KIAA1217: variants seen among roughly 807,000 people sequenced by gnomAD.
KIAA1217 encodes the protein sickle tail protein homolog.
A neutral mutation model predicts 163.9 loss-of-function variants in KIAA1217; 88 were observed. That is an observed-to-expected ratio of 0.54 (90% CI 0.45 to 0.64). The LOEUF (loss-of-function observed/expected upper bound fraction) is 0.64, where lower values mean the gene tolerates loss of function less well. Among genes scored for constraint, KIAA1217 ranks in the 30% least tolerant of loss-of-function variants. The probability of loss-of-function intolerance (pLI) is 0.00; values close to 1 mark genes in which losing one functional copy is unlikely to be tolerated. For missense variants in KIAA1217, 2,372 were observed against 2,475.0 expected, an observed-to-expected ratio of 0.96 and a Z score of 0.88; for synonymous variants, 903 against 923.1, an observed-to-expected ratio of 0.98 and a Z score of 0.39.
intron 2 of KIAA1217, among the ~76,000 whole-genome samples, chr10:24,229,934 G>A (rs903366254): frequency 1.3e-5 from 2 of 152,000 alleles, no homozygotes; most frequent in African/African-American, 2.4e-5. Context: ...AATCACCGGT[G>A]AAGAACTTAC....
intron 2 of KIAA1217, among the ~76,000 whole-genome samples, chr10:24,015,595 T>C (rs569247057): frequency 1.3e-5 from 2 of 151,628 alleles, no homozygotes; most frequent in South Asian, 4.2e-4. Context: ...ATCTCTACTA[T>C]AAATGCAGAA....
intron 8 of KIAA1217, among the ~76,000 whole-genome samples, chr10:24,500,212 T>C (rs2067367276): frequency 6.6e-6 from 1 of 151,924 alleles, no homozygotes; most frequent in African/African-American, 2.4e-5. Context: ...TGTGTGTGTG[T>C]GTGTGTCTTT....
intron 2 of KIAA1217, among the ~76,000 whole-genome samples, chr10:24,306,890 T>C (rs1280110869): frequency 1.3e-5 from 2 of 152,244 alleles, no homozygotes; most frequent in Admixed American, 1.3e-4. Context: ...TCTTCACCTC[T>C]TGATCACTTG....
intron 1 of KIAA1217, among the ~76,000 whole-genome samples, chr10:23,946,524 T>A (rs1255952649): frequency 6.6e-6 from 1 of 152,180 alleles, no homozygotes; most frequent in Non-Finnish European, 1.5e-5. Context: ...ACAAGATATT[T>A]TCAAGCAAAT....
chr10:23,843,078 C>A (rs949984879), intron 1 of KIAA1217, among the ~76,000 whole-genome samples: 1 of 152,030 alleles, frequency 6.6e-6, no homozygotes, highest in Non-Finnish European at 1.5e-5. Context: ...AATCACTTCT[C>A]AAATATTATC....
intron 2 of KIAA1217, among the ~76,000 whole-genome samples, chr10:24,107,066 TG>T (rs1416719785): frequency 4.6e-5 from 7 of 152,182 alleles, no homozygotes; most frequent in African/African-American, 1.7e-4. Flanking sequence ...TCCCAATGTC[TG>T]TTGTTCCCTT....
Position 24,501,524 on chromosome 10 carries a change from C to G in KIAA1217, c.1980C>G (p.Leu660=). ...GCGTGGCGGAACTCAGGCTCCAGCT[C>G]CAGCAGATGCGGCAGCTCCAGGTAT... ...RRSVAELRLQ[L]QQMRQLQLQN... Residue 660 remains leucine (L), a synonymous_variant, in exon 9 of 21, where the codon CTC becomes CTG. Transcript: ENST00000376454. The G allele has an allele frequency of 6.2e-7, 1 of 1,613,466 alleles. No individual in the cohort carries two copies. Among genetic ancestry groups the G allele is most frequent in the Non-Finnish European group, 8.5e-7 (1 of 1,179,794 alleles).
At chr10:24,467,779 G>A (rs141720963) in intron 5 of KIAA1217, among the ~76,000 whole-genome samples, 72 of 151,184 alleles carry the variant, frequency 4.8e-4, no homozygotes, top group Admixed American at 9.9e-4. Flanking sequence ...AATGTGAATG[G>A]CAACTCGTAT....
chr10:23,758,793 T>G (rs1275490746), intron 1 of KIAA1217, among the ~76,000 whole-genome samples: 1 of 151,386 alleles, frequency 6.6e-6, no homozygotes, highest in East Asian at 1.9e-4. Context: ...TTCAAGTGAT[T>G]CTCCTACCTT....
At chr10:23,857,048 G>A (rs1839719772) in intron 1 of KIAA1217, among the ~76,000 whole-genome samples, 1 of 152,242 alleles carries the variant, frequency 6.6e-6, no homozygotes, top group African/African-American at 2.4e-5. Flanking sequence ...GCACTCCCTA[G>A]TGAGATGAAC....
intron 1 of KIAA1217, among the ~76,000 whole-genome samples, chr10:23,784,373 G>A (rs2130909285): frequency 6.6e-6 from 1 of 152,158 alleles, no homozygotes; most frequent in African/African-American, 2.4e-5. Flanking sequence ...GTTGGATCAT[G>A]TTTATATATC....
At chr10:24,023,290 G>A (rs1847810267) in intron 2 of KIAA1217, among the ~76,000 whole-genome samples, 1 of 151,696 alleles carries the variant, frequency 6.6e-6, no homozygotes, top group Non-Finnish European at 1.5e-5. Context: ...GACGAGGGAA[G>A]AGTAAAATTT....
intron 2 of KIAA1217, among the ~76,000 whole-genome samples, chr10:24,070,478 T>C (rs1269099458): frequency 1.3e-5 from 2 of 152,222 alleles, no homozygotes; most frequent in African/African-American, 4.8e-5. Flanking sequence ...TATACAATAG[T>C]AATACAAATA....
intron 1 of KIAA1217, among the ~76,000 whole-genome samples, chr10:23,704,142 G>GTA (rs1836688211): frequency 2.3e-5 from 2 of 87,610 alleles, no homozygotes; most frequent in African/African-American, 7.6e-5. Flanking sequence ...GTATGTGTGT[G>GTA]TGTATGTGTG....
intron 2 of KIAA1217, among the ~76,000 whole-genome samples, chr10:24,016,830 A>G (rs1847499448): frequency 1.3e-5 from 2 of 152,050 alleles, no homozygotes; most frequent in African/African-American, 4.8e-5. Context: ...AAATATATAA[A>G]GCACTAAAAC....
intron 2 of KIAA1217, among the ~76,000 whole-genome samples, chr10:24,196,172 C>CACACACACACAT (rs1222471443): frequency 0.022 from 3,208 of 146,594 alleles, 105 homozygotes; most frequent in African/African-American, 0.074. Context: ...CACACACACA[C>CACACACACACAT]TGCCCTCACA....
chr10:23,726,161 A>T (rs1017336496), intron 1 of KIAA1217, among the ~76,000 whole-genome samples: 1 of 152,052 alleles, frequency 6.6e-6, no homozygotes, highest in African/African-American at 2.4e-5. Context: ...CTAAGTTCTC[A>T]TGGGGTTTTA....
At chr10:24,537,373 C>G (rs1358126061) in intron 17 of KIAA1217, among the ~76,000 whole-genome samples, 5 of 151,974 alleles carry the variant, frequency 3.3e-5, no homozygotes, top group African/African-American at 1.2e-4. Flanking sequence ...GTCAGGAGTT[C>G]GAGACCAGCC....
At chr10:24,125,881 A>G (rs1369053649) in intron 2 of KIAA1217, among the ~76,000 whole-genome samples, 1 of 152,112 alleles carries the variant, frequency 6.6e-6, no homozygotes, top group East Asian at 1.9e-4. Flanking sequence ...GATTACTGTC[A>G]TTTATTTTTG....
Sources: gnomAD v4.1 joint callset for allele counts (sites outside exome capture counted in the v4.1 genomes callset) on GRCh38, gnomAD v4.1.1 for gene constraint, MANE v1.5 for transcripts, NCBI Gene and HGNC (gene_info 2026-07-23, HGNC 2026-07-21) for gene names.